Variants in RBFOX1 observed in about 807,000 individuals in gnomAD.
The protein encoded by RBFOX1 is RNA binding fox-1 homolog 1.
Under a neutral mutation model 57.7 loss-of-function variants are expected in RBFOX1, and 8 were observed. The observed-to-expected ratio is 0.14, with a 90% confidence interval of 0.08 to 0.25. RBFOX1 has a LOEUF of 0.25. Ranked by LOEUF, RBFOX1 falls within the 10% of genes least tolerant of loss-of-function variation. The pLI is 1.00. For missense variants in RBFOX1, 611 were observed against 548.5 expected (o/e 1.11, Z -1.14); for synonymous variants, 326 against 222.4 (o/e 1.47, Z -4.15).
At chr16:6,965,572 A>C (rs1010652648) in intron 3 of RBFOX1, among the ~76,000 whole-genome samples, 13 of 152,146 alleles carry the variant, frequency 8.5e-5, no homozygotes, top group African/African-American at 2.2e-4. Flanking sequence ...CCGGACCTCA[A>C]GTGATCTCCC....
At chr16:6,059,396 C>A (rs1220617225) in intron 1 of RBFOX1, 1 of 152,050 alleles carries the variant, frequency 6.6e-6, no homozygotes, top group African/African-American at 2.4e-5. Flanking sequence ...ATCAAAATCT[C>A]TTTAATATTA....
chr16:5,385,878 C>G (rs1329162000), intron 1 of RBFOX1, among the ~76,000 whole-genome samples: 1 of 152,152 alleles, frequency 6.6e-6, no homozygotes, highest in Non-Finnish European at 1.5e-5. Flanking sequence ...TGATTGACCT[C>G]GTCTTTTGCT....
chr16:5,945,610 C>G (rs1224293685), intron 4 of RBFOX1, among the ~76,000 whole-genome samples: 8 of 151,958 alleles, frequency 5.3e-5, no homozygotes, highest in African/African-American at 1.9e-4. Flanking sequence ...TTAATAACTC[C>G]TAGGTTCACA....
chr16:5,351,096 C>T (rs1374943988), intron 1 of RBFOX1, among the ~76,000 whole-genome samples: 7 of 152,184 alleles, frequency 4.6e-5, no homozygotes, highest in Non-Finnish European at 1.5e-5. Context: ...CCGGATAGGT[C>T]TAAGCCTTGT....
At chr16:7,473,363 G>C (rs1353636266) in intron 4 of RBFOX1, among the ~76,000 whole-genome samples, 1 of 150,262 alleles carries the variant, frequency 6.7e-6, no homozygotes, top group African/African-American at 2.4e-5. Flanking sequence ...GGGTGACAGA[G>C]AGAGACTTGG....
At chr16:5,543,453 C>T (rs74004394) in intron 2 of RBFOX1, among the ~76,000 whole-genome samples, 17,802 of 152,032 alleles carry the variant, frequency 0.12, 1,489 homozygotes, top group African/African-American at 0.24. Context: ...GATGAGTGAA[C>T]ATGATGACAT....
intron 2 of RBFOX1, among the ~76,000 whole-genome samples, chr16:6,382,188 C>G (rs2091878095): frequency 6.6e-6 from 1 of 152,102 alleles, no homozygotes; most frequent in Non-Finnish European, 1.5e-5. Context: ...TCCTTTTTCC[C>G]CAACCATTTA....
intron 3 of RBFOX1, among the ~76,000 whole-genome samples, chr16:6,910,432 A>C (rs1194248228): frequency 6.6e-6 from 1 of 152,218 alleles, no homozygotes; most frequent in African/African-American, 2.4e-5. Flanking sequence ...CCCCAGGTTC[A>C]ATGCTGGAGT....
At chr16:5,944,181 G>C (rs1209356914) in intron 4 of RBFOX1, among the ~76,000 whole-genome samples, 10 of 152,162 alleles carry the variant, frequency 6.6e-5, no homozygotes, top group Non-Finnish European at 1.3e-4. Flanking sequence ...TGACCTCAAC[G>C]ATGTGTGAAC....
At chr16:7,586,213 A>G (rs962559946) in intron 6 of RBFOX1, among the ~76,000 whole-genome samples, 2 of 152,138 alleles carry the variant, frequency 1.3e-5, no homozygotes, top group African/African-American at 4.8e-5. Flanking sequence ...ATTTTACATT[A>G]CCCTCTCTCT....
At chr16:5,628,244 G>T (rs1015364332) in intron 3 of RBFOX1, among the ~76,000 whole-genome samples, 2 of 152,188 alleles carry the variant, frequency 1.3e-5, no homozygotes, top group Middle Eastern at 3.2e-3. Context: ...GGAGTTGAAA[G>T]AATCCAAGAA....
chr16:7,233,678 C>G (rs1051543047), intron 4 of RBFOX1, among the ~76,000 whole-genome samples: 3 of 152,138 alleles, frequency 2.0e-5, no homozygotes, highest in Non-Finnish European at 4.4e-5. Context: ...GCGACCTTAG[C>G]AAAAGATGGG....
At chr16:6,117,706 G>A (rs954266555) in intron 1 of RBFOX1, among the ~76,000 whole-genome samples, 4 of 151,960 alleles carry the variant, frequency 2.6e-5, no homozygotes, top group East Asian at 1.9e-4. Flanking sequence ...TGAGAAATAC[G>A]TTTCTGTTCT....
chr16:6,734,581 C>T (rs376275390), intron 3 of RBFOX1, among the ~76,000 whole-genome samples: 1 of 151,946 alleles, frequency 6.6e-6, no homozygotes, highest in Admixed American at 6.6e-5. Flanking sequence ...AGACTGTGCT[C>T]TTAACTACTC....
intron 3 of RBFOX1, among the ~76,000 whole-genome samples, chr16:6,841,579 G>A (rs560817110): frequency 6.6e-6 from 1 of 152,124 alleles, no homozygotes; most frequent in Admixed American, 6.5e-5. Context: ...CCTACGAGCT[G>A]TCCACCCACA....
intron 4 of RBFOX1, among the ~76,000 whole-genome samples, chr16:7,208,656 C>T (rs1456392435): frequency 6.6e-6 from 1 of 152,056 alleles, no homozygotes; most frequent in African/African-American, 2.4e-5. Flanking sequence ...GGCAACATAG[C>T]AAGACCGTAT....
chr16:6,016,421 C>T (rs1214020251), upstream of RBFOX1, among the ~76,000 whole-genome samples: 1 of 152,134 alleles, frequency 6.6e-6, no homozygotes, highest in Non-Finnish European at 1.5e-5. Context: ...AAGAGAAAAG[C>T]CCTCCTGGGT....
chr16:7,394,263 A>AAG (rs1404450340), intron 4 of RBFOX1, among the ~76,000 whole-genome samples: 77 of 139,310 alleles, frequency 5.5e-4, no homozygotes, highest in Middle Eastern at 4.0e-3. Flanking sequence ...AAAAAAAAAA[A>AAG]AGAGAGAAAG....
At position 6,318,213 on chromosome 16, in the gene RBFOX1, T is replaced by G. The variant is rs576514258; in HGVS notation, c.-64+1156T>G. On this transcript the variant is annotated intron_variant, in intron 2 of 15. Coordinates refer to ENST00000550418, the MANE Select transcript of RBFOX1 (RefSeq NM_018723.4). ...AGCGTAACCCTGATCAGCTAACGCTTGTATCTCACAGGAGATTAGACTGGC... is the reference window on the plus strand; with the variant it reads ...AGCGTAACCCTGATCAGCTAACGCTGGTATCTCACAGGAGATTAGACTGGC... 5.4e-4 allele frequency among the ~76,000 whole-genome samples: 83 copies of G among 152,316 alleles called. 1 individual carries two copies. The highest frequency in any genetic ancestry group is 6.8e-3 in the Middle Eastern group (2 of 294).
Sources: gnomAD v4.1 joint callset for allele counts (sites outside exome capture counted in the v4.1 genomes callset) on GRCh38, gnomAD v4.1.1 for gene constraint, MANE v1.5 for transcripts, NCBI Gene and HGNC (gene_info 2026-07-23, HGNC 2026-07-21) for gene names.